Variants in SOX5 observed in about 807,000 individuals in gnomAD.
SOX5 encodes transcription factor SOX-5.
SOX5 carries 9 observed loss-of-function variants against 92.0 expected under a neutral mutation model. The ratio of observed to expected loss-of-function variants is 0.10; its 90% CI spans 0.06 to 0.17. The LOEUF is 0.17. Ranked by LOEUF, SOX5 falls within the 10% of genes least tolerant of loss-of-function variation. The probability of loss-of-function intolerance (pLI) is 1.00; values close to 1 mark genes in which losing one functional copy is unlikely to be tolerated. For missense variants in SOX5, 642 were observed against 944.5 expected, an observed-to-expected ratio of 0.68 and a Z score of 4.20; for synonymous variants, 344 against 336.3, an observed-to-expected ratio of 1.02 and a Z score of -0.25.
chr12:23,804,918 TATATATATA>T (rs2095737032), intron 3 of SOX5, among the ~76,000 whole-genome samples: 9 of 4,026 alleles, frequency 2.2e-3, no homozygotes, highest in African/African-American at 4.7e-3. Flanking sequence ...CATTGTTTTA[TATATATATA>T]TATATATATA....
chr12:24,086,676 A>T (rs1265076024), intron 4 of SOX5, among the ~76,000 whole-genome samples: 1 of 151,996 alleles, frequency 6.6e-6, no homozygotes, highest in African/African-American at 2.4e-5. Flanking sequence ...ACTTCTAGTA[A>T]CTATATTCTT....
chr12:23,691,219 C>T (rs1171793982), intron 6 of SOX5, among the ~76,000 whole-genome samples: 1 of 152,160 alleles, frequency 6.6e-6, no homozygotes, highest in African/African-American at 2.4e-5. Flanking sequence ...GGGTGTGAAA[C>T]AAGGCAGCAG....
chr12:23,562,991 G>A (rs1306216997), intron 11 of SOX5, among the ~76,000 whole-genome samples: 1 of 152,148 alleles, frequency 6.6e-6, no homozygotes, highest in Non-Finnish European at 1.5e-5. Flanking sequence ...TATTTCAAAT[G>A]CCATTTTGTT....
At chr12:24,010,096 T>C (rs1457186000) in intron 4 of SOX5, among the ~76,000 whole-genome samples, 1 of 152,200 alleles carries the variant, frequency 6.6e-6, no homozygotes, top group East Asian at 1.9e-4. Context: ...TTCATGTGTT[T>C]CTTAGCAATA....
At chr12:24,283,686 C>T (rs538105109) in intron 2 of SOX5, among the ~76,000 whole-genome samples, 6 of 152,156 alleles carry the variant, frequency 3.9e-5, no homozygotes, top group African/African-American at 1.2e-4. Context: ...CAAATAACTA[C>T]GTAGCTAGGG....
At chr12:23,723,804 A>G (rs1487748001) in intron 6 of SOX5, among the ~76,000 whole-genome samples, 1 of 151,964 alleles carries the variant, frequency 6.6e-6, no homozygotes, top group Non-Finnish European at 1.5e-5. Context: ...CCTTCTCATT[A>G]GTTATTTTAG....
intron 4 of SOX5, among the ~76,000 whole-genome samples, chr12:24,036,836 G>C (rs746188036): frequency 5.9e-5 from 9 of 152,128 alleles, no homozygotes; most frequent in Non-Finnish European, 1.2e-4. Context: ...TCTAATGTTG[G>C]TAAACATATA....
intron 4 of SOX5, among the ~76,000 whole-genome samples, chr12:23,958,634 T>G (rs1045930892): frequency 2.0e-5 from 3 of 151,840 alleles, no homozygotes; most frequent in African/African-American, 7.2e-5. Flanking sequence ...TCACTAGGAA[T>G]TGACGCTAGG....
chr12:24,548,503 G>A (rs1038713850), intron 1 of SOX5, among the ~76,000 whole-genome samples: 2 of 152,164 alleles, frequency 1.3e-5, no homozygotes, highest in African/African-American at 4.8e-5. Flanking sequence ...ATGTAGACAC[G>A]AGGCACTACA....
intron 4 of SOX5, among the ~76,000 whole-genome samples, chr12:24,136,563 T>C (rs1285017731): frequency 6.6e-6 from 1 of 152,194 alleles, no homozygotes; most frequent in African/African-American, 2.4e-5. Context: ...CTCTGATGAC[T>C]AAACTAAATT....
At chr12:24,397,830 G>GTTA (rs962271900) in intron 1 of SOX5, among the ~76,000 whole-genome samples, 101 of 151,484 alleles carry the variant, frequency 6.7e-4, no homozygotes, top group Middle Eastern at 3.4e-3. Flanking sequence ...AAATATTATT[G>GTTA]TTATTATTAT....
At chr12:23,850,463 A>C (rs1168705018) in intron 2 of SOX5, among the ~76,000 whole-genome samples, 3 of 81,134 alleles carry the variant, frequency 3.7e-5, no homozygotes, top group Non-Finnish European at 6.8e-5. Context: ...AAAAAAAAAT[A>C]AATAAAAAAT....
intron 3 of SOX5, among the ~76,000 whole-genome samples, chr12:24,221,173 G>T (rs1439685703): frequency 6.6e-6 from 1 of 152,086 alleles, no homozygotes; most frequent in East Asian, 1.9e-4. Flanking sequence ...GTTTTCAAGT[G>T]TTTGCTAATG....
chr12:24,245,146 T>C (rs1257149625), intron 3 of SOX5, among the ~76,000 whole-genome samples: 4 of 152,196 alleles, frequency 2.6e-5, no homozygotes, highest in Non-Finnish European at 5.9e-5. Flanking sequence ...TATATGGCTT[T>C]ATGTAATTGT....
At chr12:24,057,795 G>T (rs1214394161) in intron 4 of SOX5, among the ~76,000 whole-genome samples, 3 of 152,014 alleles carry the variant, frequency 2.0e-5, no homozygotes, top group Non-Finnish European at 2.9e-5. Flanking sequence ...CATGTCAATA[G>T]TTCATTTGTG....
At chr12:24,462,800 C>T (rs915987409) in intron 1 of SOX5, among the ~76,000 whole-genome samples, 8 of 152,168 alleles carry the variant, frequency 5.3e-5, no homozygotes, top group African/African-American at 1.9e-4. Context: ...ATGCTGAATT[C>T]AGATAAATTT....
At chr12:24,298,812 T>A (rs1226269592) in intron 2 of SOX5, among the ~76,000 whole-genome samples, 1 of 130,998 alleles carries the variant, frequency 7.6e-6, no homozygotes, top group Non-Finnish European at 1.8e-5. Flanking sequence ...TACATTTTTT[T>A]AACCTAATTG....
intron 11 of SOX5, among the ~76,000 whole-genome samples, chr12:23,562,085 G>A (rs1946308229): frequency 6.6e-6 from 1 of 152,078 alleles, no homozygotes; most frequent in African/African-American, 2.4e-5. Flanking sequence ...TCTTAGAACT[G>A]TCACTTTGCT....
Position 23,728,311 on chromosome 12 carries a change from C to T in SOX5, c.810+6373G>A, listed in dbSNP as rs143324534. Among the ~76,000 whole-genome samples, 613 of 152,204 alleles carry T rather than the reference C, an allele frequency of 4.0e-3. 3 individuals carry two copies. The highest frequency in any genetic ancestry group is 6.8e-3 in the Admixed American group (104 of 15,280). ...TTAGTTGGAGCTGAAGGAGTTAATG[C>T]GTGTCTTTCTCAGGTTGAAATGCTA... On this transcript the variant is annotated intron_variant, in intron 6 of 14. Transcript: ENST00000451604.
Sources: gnomAD v4.1 joint callset for allele counts (sites outside exome capture counted in the v4.1 genomes callset) on GRCh38, gnomAD v4.1.1 for gene constraint, MANE v1.5 for transcripts, NCBI Gene and HGNC (gene_info 2026-07-23, HGNC 2026-07-21) for gene names.